CNTN6: variants seen among roughly 807,000 people sequenced by gnomAD.
The protein encoded by CNTN6 is contactin-6.
In CNTN6, 137 loss-of-function variants were observed where a neutral mutation model predicts 122.8. The observed-to-expected ratio is 1.12, with a 90% CI of 0.97 to 1.29. The LOEUF is 1.29. Ranked by LOEUF, CNTN6 falls within the 50% of genes most tolerant of loss-of-function variation. The pLI is 0.00. For synonymous variants in CNTN6, 570 were observed against 426.0 expected (o/e 1.34, Z -4.16); for missense variants, 1,634 against 1,223.4 (o/e 1.34, Z -5.01).
intron 12 of CNTN6, among the ~76,000 whole-genome samples, chr3:1,361,397 T>C (rs928056507): frequency 6.6e-6 from 1 of 152,116 alleles, no homozygotes; most frequent in Non-Finnish European, 1.5e-5. Context: ...CAGTTTGGTT[T>C]TGTTCCTTTT....
chr3:1,126,108 A>G (rs1367460588), intron 1 of CNTN6, among the ~76,000 whole-genome samples: 2 of 151,876 alleles, frequency 1.3e-5, no homozygotes, highest in African/African-American at 2.4e-5. Context: ...TGTCTTTCCC[A>G]TATGATTGTC....
intron 5 of CNTN6, among the ~76,000 whole-genome samples, chr3:1,285,603 C>G (rs1157520922): frequency 6.6e-6 from 1 of 152,148 alleles, no homozygotes; most frequent in Non-Finnish European, 1.5e-5. Context: ...TTAACATTTT[C>G]CGGGAAGATA....
At chr3:1,337,150 T>C (rs1221091943) in intron 11 of CNTN6, among the ~76,000 whole-genome samples, 1 of 152,172 alleles carries the variant, frequency 6.6e-6, no homozygotes, top group African/African-American at 2.4e-5. Flanking sequence ...TTCTCATTGC[T>C]AAGTTATGTG....
At chr3:1,370,158 A>G (rs1053934107) in intron 12 of CNTN6, among the ~76,000 whole-genome samples, 4 of 152,238 alleles carry the variant, frequency 2.6e-5, no homozygotes, top group East Asian at 3.9e-4. Flanking sequence ...AATAAGATCC[A>G]TACATGGCAG....
chr3:1,334,281 A>C (rs541321629), intron 11 of CNTN6, among the ~76,000 whole-genome samples: 1 of 152,258 alleles, frequency 6.6e-6, no homozygotes, highest in East Asian at 1.9e-4. Flanking sequence ...CAGGAGAACC[A>C]GGAAGCACTG....
intron 12 of CNTN6, among the ~76,000 whole-genome samples, chr3:1,353,946 A>G (rs1417966508): frequency 6.6e-6 from 1 of 151,452 alleles, no homozygotes; most frequent in Non-Finnish European, 1.5e-5. Flanking sequence ...ATCTGGGAGG[A>G]GGGCCAATGG....
At chr3:1,398,886 T>C (rs1226818859) in intron 20 of CNTN6, among the ~76,000 whole-genome samples, 2 of 152,094 alleles carry the variant, frequency 1.3e-5, no homozygotes, top group Admixed American at 6.6e-5. Flanking sequence ...ATGCAACTCT[T>C]CTCGTTTTAT....
chr3:1,220,228 T>G (rs936114861), intron 2 of CNTN6, among the ~76,000 whole-genome samples: 1 of 151,460 alleles, frequency 6.6e-6, no homozygotes, highest in East Asian at 2.0e-4. Context: ...TCTAACTACT[T>G]GGGAGGCTGA....
chr3:1,351,049 C>G (rs1290105401), intron 11 of CNTN6, among the ~76,000 whole-genome samples: 1 of 151,716 alleles, frequency 6.6e-6, no homozygotes, highest in African/African-American at 2.4e-5. Context: ...AAGATAATGA[C>G]TTTAAAAAAT....
At position 1,327,655 on chromosome 3, in the gene CNTN6, C is replaced by A. The variant is rs1269914203; in HGVS notation, c.1213+69C>A. The A allele has an allele frequency of 3.4e-6, 5 of 1,487,514 alleles. No homozygotes were observed. The African/African-American group carries it at 7.1e-5, about 21-fold the overall frequency. The allele number at this position is 1,487,514 out of a possible 1,614,324, so 92.1% of individuals were successfully genotyped here. On this transcript the variant is annotated intron_variant, in intron 10 of 22. Coordinates refer to ENST00000446702, the MANE Select transcript of CNTN6 (RefSeq NM_001289080.2). ...AACAAGCTATAATTATGCATAATCC[C>A]AACCCAATTTTTTTTGTAAATTAGA...
chr3:1,288,660 G>A (rs1694765681), intron 5 of CNTN6, among the ~76,000 whole-genome samples: 1 of 152,158 alleles, frequency 6.6e-6, no homozygotes, highest in Non-Finnish European at 1.5e-5. Context: ...AGTGCCAATA[G>A]AAGTTGTCAG....
At chr3:1,138,654 T>C (rs1470361892) in intron 1 of CNTN6, among the ~76,000 whole-genome samples, 1 of 152,032 alleles carries the variant, frequency 6.6e-6, no homozygotes, top group Admixed American at 6.6e-5. Flanking sequence ...CACAGATAAA[T>C]CTATTTATAT....
At chr3:1,300,993 A>C (rs527778595) in intron 7 of CNTN6, among the ~76,000 whole-genome samples, 47 of 151,498 alleles carry the variant, frequency 3.1e-4, no homozygotes, top group Middle Eastern at 3.4e-3. Flanking sequence ...AAATTGCAAA[A>C]GGTAAAATTT....
intron 4 of CNTN6, among the ~76,000 whole-genome samples, chr3:1,266,603 T>G (rs1357101949): frequency 6.6e-6 from 1 of 152,198 alleles, no homozygotes; most frequent in Non-Finnish European, 1.5e-5. Flanking sequence ...AATTTTGCAA[T>G]CTAACTTTCT....
intron 4 of CNTN6, among the ~76,000 whole-genome samples, chr3:1,254,017 C>G (rs991119973): frequency 6.6e-6 from 1 of 152,140 alleles, no homozygotes; most frequent in African/African-American, 2.4e-5. Context: ...TAGTAACCGA[C>G]ATTTTTCTTT....
chr3:1,380,680 T>G (rs1334589468), intron 17 of CNTN6, among the ~76,000 whole-genome samples: 2 of 152,192 alleles, frequency 1.3e-5, no homozygotes, highest in Non-Finnish European at 2.9e-5. Flanking sequence ...AGTCTGCTTT[T>G]GTAGCTCAAA....
chr3:1,280,352 G>T (rs1176772080), intron 5 of CNTN6, among the ~76,000 whole-genome samples: 1 of 150,614 alleles, frequency 6.6e-6, no homozygotes, highest in Non-Finnish European at 1.5e-5. Flanking sequence ...CCGTGGGGTC[G>T]ATGCCATAAA....
chr3:1,311,538 A>G (rs1699313867), intron 7 of CNTN6, among the ~76,000 whole-genome samples: 1 of 146,878 alleles, frequency 6.8e-6, no homozygotes, highest in South Asian at 2.2e-4. Flanking sequence ...ATATGTACAT[A>G]TAAATGTCTA....
At chr3:1,391,431 A>G (rs1694127958) in intron 20 of CNTN6, among the ~76,000 whole-genome samples, 1 of 98,358 alleles carries the variant, frequency 1.0e-5, no homozygotes, top group Non-Finnish European at 1.9e-5. Flanking sequence ...ATCTATGACA[A>G]ACCCACAGCC....
Sources: gnomAD v4.1 joint callset for allele counts (sites outside exome capture counted in the v4.1 genomes callset) on GRCh38, gnomAD v4.1.1 for gene constraint, MANE v1.5 for transcripts, NCBI Gene and HGNC (gene_info 2026-07-23, HGNC 2026-07-21) for gene names.